The following MOXD1 variants were observed in gnomAD, a reference collection of about 807,000 sequenced individuals.
The protein encoded by MOXD1 is DBH-like monooxygenase protein 1.
MOXD1 carries 62 observed loss-of-function variants against 66.6 expected under a neutral mutation model. The observed-to-expected ratio is 0.93, with a 90% CI of 0.76 to 1.15. The LOEUF (loss-of-function observed/expected upper bound fraction) is 1.15. MOXD1 is among the 50% of genes most tolerant of loss of function. The probability of loss-of-function intolerance (pLI) is 0.00; values close to 1 mark genes in which losing one functional copy is unlikely to be tolerated. For synonymous variants in MOXD1, 303 were observed against 281.9 expected (o/e 1.07, Z -0.75); for missense variants, 847 against 754.6 (o/e 1.12, Z -1.44).
chr6:132,303,854 TATATATATATATATATATATATATAC>T (rs1236977714), intron 10 of MOXD1, among the ~76,000 whole-genome samples: 5 of 70,742 alleles, frequency 7.1e-5, no homozygotes, highest in African/African-American at 5.9e-4. Context: ...TATATATATA[TATATATATATATATATATATATATAC>T]ATATATACAT....
At chr6:132,364,850 C>T (rs1340184590) in intron 4 of MOXD1, among the ~76,000 whole-genome samples, 2 of 152,098 alleles carry the variant, frequency 1.3e-5, no homozygotes, top group African/African-American at 2.4e-5. Flanking sequence ...GAACCTAAGG[C>T]TCAAGGAAGT....
chr6:132,392,403 A>G (rs946097093), intron 1 of MOXD1: 1 of 1,453,612 alleles, frequency 6.9e-7, no homozygotes, highest in South Asian at 1.4e-5. Flanking sequence ...GGCATATTCA[A>G]CAACGTTGCT....
intron 10 of MOXD1, among the ~76,000 whole-genome samples, chr6:132,314,467 C>T (rs148458014): frequency 1.3e-4 from 20 of 152,314 alleles, no homozygotes; most frequent in Admixed American, 8.5e-4. Context: ...CACTTAAAGC[C>T]CCAAGGCCTT....
intron 1 of MOXD1, among the ~76,000 whole-genome samples, chr6:132,392,843 TCC>T (rs1441325484): frequency 3.3e-5 from 5 of 152,190 alleles, no homozygotes; most frequent in Admixed American, 6.5e-5. Context: ...CGGAAATATC[TCC>T]AGAAGGAGTC....
chr6:132,334,395 C>G (rs180804285), intron 4 of MOXD1, among the ~76,000 whole-genome samples: 1 of 152,190 alleles, frequency 6.6e-6, no homozygotes, highest in African/African-American at 2.4e-5. Flanking sequence ...GTTGCTCAGC[C>G]AGCCATTTTC....
chr6:132,321,212 C>T (rs971158141), intron 8 of MOXD1, among the ~76,000 whole-genome samples: 4 of 151,366 alleles, frequency 2.6e-5, no homozygotes, highest in South Asian at 2.1e-4. Flanking sequence ...TGCAGTGAGC[C>T]GAGATCGCAC....
chr6:132,362,310 G>T (rs922573789), intron 4 of MOXD1, among the ~76,000 whole-genome samples: 20 of 152,122 alleles, frequency 1.3e-4, no homozygotes, highest in African/African-American at 4.3e-4. Context: ...AATGAAAGAA[G>T]TCACAGAATT....
chr6:132,340,080 G>C (rs558271434), intron 4 of MOXD1, among the ~76,000 whole-genome samples: 1 of 151,992 alleles, frequency 6.6e-6, no homozygotes, highest in Non-Finnish European at 1.5e-5. Flanking sequence ...GTGTTGGCCA[G>C]GCTGGTCTCA....
At chr6:132,303,437 T>C (rs916430275) in intron 10 of MOXD1, among the ~76,000 whole-genome samples, 51 of 152,090 alleles carry the variant, frequency 3.4e-4, no homozygotes, top group African/African-American at 1.2e-3. Flanking sequence ...AAGACACTTA[T>C]ATAAAATGGT....
intron 4 of MOXD1, among the ~76,000 whole-genome samples, chr6:132,332,036 G>T (rs1339111896): frequency 1.3e-5 from 2 of 152,190 alleles, no homozygotes; most frequent in African/African-American, 4.8e-5. Context: ...TACACCTGGG[G>T]AGGGGGCTCA....
At chr6:132,340,241 A>C (rs1775523902) in intron 4 of MOXD1, among the ~76,000 whole-genome samples, 2 of 152,180 alleles carry the variant, frequency 1.3e-5, no homozygotes, top group African/African-American at 2.4e-5. Context: ...CTTCAAATAA[A>C]TCCAAGCAAC....
chr6:132,336,007 A>AG (rs1441224261), intron 4 of MOXD1, among the ~76,000 whole-genome samples: 1 of 152,190 alleles, frequency 6.6e-6, no homozygotes, highest in Non-Finnish European at 1.5e-5. Context: ...TGAGAAACAC[A>AG]GGGAGGTTAC....
chr6:132,334,955 G>C (rs1396473224), intron 4 of MOXD1, among the ~76,000 whole-genome samples: 1 of 152,192 alleles, frequency 6.6e-6, no homozygotes, highest in South Asian at 2.1e-4. Context: ...AAGACCAAGT[G>C]ACTGGGTACA....
At chr6:132,331,891 A>T (rs911142418) in intron 4 of MOXD1, among the ~76,000 whole-genome samples, 32 of 152,292 alleles carry the variant, frequency 2.1e-4, no homozygotes, top group African/African-American at 7.5e-4. Context: ...GGCTTCAGTA[A>T]GGCAAGTTGC....
At chr6:132,344,761 C>T (rs1775635690) in intron 4 of MOXD1, among the ~76,000 whole-genome samples, 1 of 152,142 alleles carries the variant, frequency 6.6e-6, no homozygotes, top group South Asian at 2.1e-4. Context: ...ATGAAAGTCC[C>T]AGACTCAGCC....
At chr6:132,365,860 G>A (rs538089381) in intron 4 of MOXD1, among the ~76,000 whole-genome samples, 10 of 151,928 alleles carry the variant, frequency 6.6e-5, no homozygotes, top group Non-Finnish European at 1.3e-4. Context: ...CTTTTTTTCT[G>A]TACAAAGTTA....
At chr6:132,369,485 T>A (rs76984112) in intron 4 of MOXD1, among the ~76,000 whole-genome samples, 2 of 151,936 alleles carry the variant, frequency 1.3e-5, no homozygotes, top group Non-Finnish European at 2.9e-5. Context: ...ATTTTTTTTT[T>A]ATGAAGTTGA....
intron 1 of MOXD1, among the ~76,000 whole-genome samples, chr6:132,382,577 A>T (rs1776533346): frequency 6.6e-6 from 1 of 152,174 alleles, no homozygotes; most frequent in Admixed American, 6.5e-5. Flanking sequence ...CCTGAAAATG[A>T]GTTAATAATT....
intron 10 of MOXD1, among the ~76,000 whole-genome samples, chr6:132,298,905 G>A (rs1774469761): frequency 6.6e-6 from 1 of 152,124 alleles, no homozygotes; most frequent in Admixed American, 6.5e-5. Context: ...ATTCAACCCA[G>A]TAATCCTATT....
Sources: allele counts gnomAD v4.1 joint callset (sites outside exome capture counted in the v4.1 genomes callset), GRCh38; gene constraint gnomAD v4.1.1; transcripts MANE v1.5; gene names NCBI Gene and HGNC (gene_info 2026-07-23, HGNC 2026-07-21).